The following ADAM11 variants were observed in gnomAD, a reference collection of about 807,000 sequenced individuals.
ADAM11 encodes ADAM metallopeptidase domain 11.
A neutral mutation model predicts 119.1 loss-of-function variants in ADAM11; 49 were observed. The ratio of observed to expected loss-of-function variants is 0.41; its 90% CI spans 0.33 to 0.52. The LOEUF (loss-of-function observed/expected upper bound fraction) is 0.52, where lower values mean the gene tolerates loss of function less well. Among genes scored for constraint, ADAM11 ranks in the 20% least tolerant of loss-of-function variants. ADAM11 has a pLI of 0.20. For synonymous variants in ADAM11, 364 were observed against 408.0 expected (o/e 0.89, Z 1.30); for missense variants, 777 against 1,047.5 (o/e 0.74, Z 3.56).
Position 44,773,131 on chromosome 17 carries a change from A to AC in ADAM11, c.825+50dup. 8.8e-7 allele frequency: 1 copy of AC among 1,131,708 alleles called. No homozygotes were observed. The allele number at this position is 1,131,708 out of a possible 1,614,324, so 70.1% of individuals were successfully genotyped here. A position where few individuals can be genotyped will look rare whatever the true frequency, so the allele number is the denominator to read the frequency against. ...CCCTTCCCTCCTCCTCATGCCCCCC[A>AC]CCCCACCACACACATTAGGGGGCAC... On this transcript the variant is annotated intron_variant, in intron 10 of 26. Coordinates refer to ENST00000200557, the MANE Select transcript of ADAM11 (RefSeq NM_002390.6). The surrounding 1 kb of genome is among the most constrained non-coding windows in gnomAD (Gnocchi z 4.6).
Position 44,775,774 on chromosome 17 carries a change from C to A in ADAM11, c.1485+98C>A, listed in dbSNP as rs1415549343. 4 of 1,303,562 alleles carry A rather than the reference C, an allele frequency of 3.1e-6. No individual in the cohort carries two copies. Among genetic ancestry groups the A allele is most frequent in the Middle Eastern group, 5.2e-4 (2 of 3,846 alleles). The allele number at this position is 1,303,562 out of a possible 1,614,324, so 80.7% of individuals were successfully genotyped here. On this transcript the variant is annotated intron_variant, in intron 17 of 26. Coordinates refer to ENST00000200557, the MANE Select transcript of ADAM11 (RefSeq NM_002390.6). This position sits in a 1 kb window ranked among gnomAD's most constrained non-coding sequence, Gnocchi z 7.5. ...GAGCTAGGGAGGGAAGCGGAGCCTT[C>A]GGGGACGAAGGCCTCTGGGGCAGGG...
Position 44,771,616 on chromosome 17 carries a change from G to T in ADAM11, c.414G>T (p.Lys138Asn), listed in dbSNP as rs200440815. ...GAGDHCYYQGKLRGNPHSFAA... is the reference protein window; with the variant it reads ...GAGDHCYYQGNLRGNPHSFAA... Reference sequence around the variant, plus strand: ...GAGACCACTGCTACTACCAGGGGAAGCTCCGGGGGAACCCGCACTCCTTCG... The same window carrying T: ...GAGACCACTGCTACTACCAGGGGAATCTCCGGGGGAACCCGCACTCCTTCG... The change falls in exon 5 of 27, where the codon AAG (lysine) becomes AAT (asparagine). Residue 138 changes from lysine (K) to asparagine (N), a missense_variant. By Grantham distance (94) the Lys-to-Asn change is moderately conservative (BLOSUM62 0). Around this residue, in one of 4 missense-constraint regions of ADAM11, gnomAD observed 278 missense variants for 310.1 expected, o/e 0.90. Coordinates refer to ENST00000200557, the MANE Select transcript of ADAM11 (RefSeq NM_002390.6). 15 of 1,611,942 alleles carry T rather than the reference G, an allele frequency of 9.3e-6. No individual in the cohort carries two copies. Among genetic ancestry groups the T allele is most frequent in the Non-Finnish European group, 1.3e-5 (15 of 1,179,536 alleles).
chr17:44,762,594 T>C (rs2049402120), intron 2 of ADAM11, among the ~76,000 whole-genome samples: 1 of 152,120 alleles, frequency 6.6e-6, no homozygotes, highest in Non-Finnish European at 1.5e-5. Context: ...TCTCTGGTCA[T>C]GTGTCGAGTC....
At chr17:44,760,173 A>G (rs190013453) in intron 2 of ADAM11, among the ~76,000 whole-genome samples, 18 of 152,298 alleles carry the variant, frequency 1.2e-4, no homozygotes, top group African/African-American at 2.2e-4. Flanking sequence ...CAGCCTTCCA[A>G]TGGCCCCCTG....
Position 44,764,619 on chromosome 17 carries a change from C to T in ADAM11, c.237+4722C>T, listed in dbSNP as rs543824861. On this transcript the variant is annotated intron_variant, in intron 2 of 26. Transcript: ENST00000200557. ...CTTAGTTTTGGTGTGAGAGGCTGCA[C>T]GCTGTGGCTTTGAGGTGGCACAGCC... Among the ~76,000 whole-genome samples, 39 of 152,256 alleles carry T rather than the reference C, an allele frequency of 2.6e-4. No individual in the cohort carries two copies. The South Asian group carries it at 7.7e-3, about 30-fold the overall frequency.
chr17:44,778,279 T>C (rs1308180996), intron 25 of ADAM11, 37 bp downstream of exon 25: 4 of 1,578,106 alleles, frequency 2.5e-6, no homozygotes, highest in Admixed American at 1.8e-5. Flanking sequence ...CCTGGCATCC[T>C]TGAGGGGGGA....
rs1256473244 is a variant in ADAM11, at chr17:44,772,713, A to T, written c.679-144A>T. 3 of 908,088 alleles carry T rather than the reference A, an allele frequency of 3.3e-6. No homozygotes were observed. The highest frequency in any genetic ancestry group is 3.4e-6 in the Non-Finnish European group (2 of 588,156). The allele number at this position is 908,088 out of a possible 1,614,324, so 56.3% of individuals were successfully genotyped here. A position where few individuals can be genotyped will look rare whatever the true frequency, so the allele number is the denominator to read the frequency against. On this transcript the variant is annotated intron_variant, in intron 8 of 26. Transcript: ENST00000200557. The surrounding 1 kb of genome is among the most constrained non-coding windows in gnomAD (Gnocchi z 4.5). Reference sequence around the variant, plus strand: ...GCCCTCATTCCAAAGCTGAGGAAGGACAGGACCCTCTGCCAGTGGGGAGCT... The same window carrying T: ...GCCCTCATTCCAAAGCTGAGGAAGGTCAGGACCCTCTGCCAGTGGGGAGCT...
Position 44,777,466 on chromosome 17 carries a change from C to A in ADAM11, c.1782-16C>A. 6.2e-7 allele frequency: 1 copy of A among 1,613,514 alleles called. No homozygotes were observed. Among genetic ancestry groups the A allele is most frequent in the Non-Finnish European group, 8.5e-7 (1 of 1,179,474 alleles). On this transcript the variant is annotated splice_polypyrimidine_tract_variant and intron_variant, in intron 21 of 26. Transcript: ENST00000200557. The surrounding 1 kb of genome is among the most constrained non-coding windows in gnomAD (Gnocchi z 5.1). The stretch of plus-strand genomic sequence containing the variant: ...AGGTCAAACTTGGGGCTCACTGTCT[C>A]TATATGCCCCAACAGGGACGTGCTG...
At position 44,775,676 on chromosome 17, in the gene ADAM11, G is replaced by A; in HGVS notation, c.1485G>A (p.Lys495=). The stretch of plus-strand genomic sequence containing the variant: ...ACGGGCTCTGCTGTCGCCGCTGCAA[G>A]GTAAGCAGGACCGGCCGGGAGGCGG... ...CSDGLCCRRC[K]YEPRGVSCRE... The change falls in exon 17 of 27, where the codon AAG becomes AAA. Residue 495 remains lysine, a splice_region_variant and synonymous_variant. Transcript: ENST00000200557. This position sits in a 1 kb window ranked among gnomAD's most constrained non-coding sequence, Gnocchi z 7.5. The A allele has an allele frequency of 1.9e-6, 3 of 1,580,600 alleles. No homozygotes were observed. The highest frequency in any genetic ancestry group is 2.6e-6 in the Non-Finnish European group (3 of 1,165,468).
chr17:44,760,715 A>C (rs776942096), intron 2 of ADAM11, among the ~76,000 whole-genome samples: 1 of 152,070 alleles, frequency 6.6e-6, no homozygotes, highest in Non-Finnish European at 1.5e-5. Flanking sequence ...AGAGGGGTAC[A>C]ACTGAGGCCT....
At position 44,775,544 on chromosome 17, in the gene ADAM11, G is replaced by C; in HGVS notation, c.1393-40G>C. The C allele has an allele frequency of 6.4e-7, 1 of 1,561,386 alleles. No individual in the cohort carries two copies. The highest frequency in any genetic ancestry group is 1.7e-4 in the Middle Eastern group (1 of 5,934). The stretch of plus-strand genomic sequence containing the variant: ...AGGGAGCGTCTGAGTGGGAGGATTA[G>C]GGCTCGCCCGCCTCCTTCCCCTCCT... On this transcript the variant is annotated intron_variant, in intron 16 of 26. Coordinates refer to ENST00000200557, the MANE Select transcript of ADAM11 (RefSeq NM_002390.6). The surrounding 1 kb of genome is among the most constrained non-coding windows in gnomAD (Gnocchi z 7.5).
chr17:44,779,119 T>C, intron 25 of ADAM11, 103 bp from the exon 26 acceptor site: 1 of 1,467,590 alleles, frequency 6.8e-7, no homozygotes. Context: ...CCGGCCCCGC[T>C]CTGGGGCAAG....
At chr17:44,778,123 T>G in intron 24 of ADAM11, 29 bp from the exon 25 acceptor site, 1 of 1,612,634 alleles carries the variant, frequency 6.2e-7, no homozygotes, top group South Asian at 1.1e-5. Flanking sequence ...TGCCTGTCCT[T>G]GCCAGCTAAG....
chr17:44,774,390 G>C lies in ADAM11; in HGVS notation c.1077+11G>C. 6.6e-7 allele frequency: 1 copy of C among 1,516,922 alleles called. No individual in the cohort carries two copies. The highest frequency in any genetic ancestry group is 8.9e-7 in the Non-Finnish European group (1 of 1,125,320). The allele number at this position is 1,516,922 out of a possible 1,614,324, so 94.0% of individuals were successfully genotyped here. ...GGGGGTGTGAACGAGGTGAGCAGTGGGGGGACATGGCTGGGGTGGCGGCTG... is the reference window on the plus strand; with the variant it reads ...GGGGGTGTGAACGAGGTGAGCAGTGCGGGGACATGGCTGGGGTGGCGGCTG... On this transcript the variant is annotated intron_variant, in intron 12 of 26. Transcript: ENST00000200557.
chr17:44,772,907 A>G lies in ADAM11; in HGVS notation c.729A>G (p.Leu243=), dbSNP rs749630988. ...TVHSETKYVE[L]IVINDHQLFE... is the part of the protein sequence containing the mutation. ...ACAGTGAAACCAAGTATGTGGAGCT[A>G]ATTGTGATCAACGACCACCAGCTGG... The change falls in exon 9 of 27, where the codon CTA becomes CTG. Residue 243 remains leucine, a synonymous_variant. Coordinates refer to ENST00000200557, the MANE Select transcript of ADAM11 (RefSeq NM_002390.6). The surrounding 1 kb of genome is among the most constrained non-coding windows in gnomAD (Gnocchi z 4.5). 1 of 1,614,044 alleles carries G rather than the reference A, an allele frequency of 6.2e-7. No homozygotes were observed. The highest frequency in any genetic ancestry group is 8.5e-7 in the Non-Finnish European group (1 of 1,180,010).
intron 4 of ADAM11, 121 bp from the exon 5 acceptor site, chr17:44,771,463 A>G: frequency 1.2e-5 from 12 of 997,666 alleles, no homozygotes; most frequent in Non-Finnish European, 1.8e-5. Flanking sequence ...AGCCCCAGGC[A>G]TACCCAGGGA....
At chr17:44,765,838 G>A (rs1392485465) in intron 2 of ADAM11, among the ~76,000 whole-genome samples, 4 of 152,060 alleles carry the variant, frequency 2.6e-5, no homozygotes, top group Admixed American at 6.6e-5. Flanking sequence ...ACCCAGGCTG[G>A]TCTCAAACTC....
At chr17:44,761,571 G>C (rs2049389950) in intron 2 of ADAM11, among the ~76,000 whole-genome samples, 1 of 152,124 alleles carries the variant, frequency 6.6e-6, no homozygotes, top group Non-Finnish European at 1.5e-5. Flanking sequence ...CTGAGAGCCT[G>C]CGGGGAGGGA....
At position 44,772,292 on chromosome 17, in the gene ADAM11, G is replaced by A. The variant is rs116926739; in HGVS notation, c.569G>A (p.Arg190Gln). ...PQGPLPHLIY[R>Q]TPLLPDPLGC... ...GGACCCCTTCCCCACCTCATTTACC[G>A]GACCCCTCTCCTCCCAGATCCCCTC... The change falls in exon 7 of 27, where the codon CGG (arginine) becomes CAG (glutamine). Residue 190 changes from arginine (R) to glutamine (Q), a missense_variant. By Grantham distance (43) the Arg-to-Gln change is conservative (BLOSUM62 1). Transcript: ENST00000200557. This position sits in a 1 kb window ranked among gnomAD's most constrained non-coding sequence, Gnocchi z 4.5. 7,307 of 1,592,624 alleles carry A rather than the reference G, an allele frequency of 4.6e-3. 20 individuals are homozygous for A. Among genetic ancestry groups the A allele is most frequent in the Middle Eastern group, 9.9e-3 (59 of 5,982 alleles).
Sources: allele counts gnomAD v4.1 joint callset (sites outside exome capture counted in the v4.1 genomes callset), GRCh38; gene constraint gnomAD v4.1.1; regional missense constraint gnomAD v4.1.1; non-coding constraint Gnocchi (gnomAD v3.1); transcripts MANE v1.5; gene names NCBI Gene and HGNC (gene_info 2026-07-23, HGNC 2026-07-21).